Variants in MTHFD2 observed in about 807,000 individuals in gnomAD.
MTHFD2 encodes methylenetetrahydrofolate dehydrogenase (NADP+ dependent) 2, methenyltetrahydrofolate cyclohydrolase.
A neutral mutation model predicts 36.8 loss-of-function variants in MTHFD2; 26 were observed. The observed-to-expected ratio is 0.71, with a 90% CI of 0.52 to 0.98. The LOEUF (loss-of-function observed/expected upper bound fraction) is 0.98, where lower values mean the gene tolerates loss of function less well. Ranked by LOEUF, MTHFD2 falls within the 50% of genes least tolerant of loss-of-function variation. MTHFD2 has a pLI of 0.00. For missense variants in MTHFD2, 373 were observed against 434.0 expected (o/e 0.86, Z 1.25); for synonymous variants, 164 against 155.2 (o/e 1.06, Z -0.42).
Position 74,208,601 on chromosome 2 carries a change from G to C in MTHFD2, c.442G>C (p.Val148Leu). The change falls in exon 4 of 8, where the codon GTT becomes CTT. Residue 148 changes from valine to leucine, a missense_variant. Around this residue, in one of 2 missense-constraint regions of MTHFD2, gnomAD observed 308 missense variants for 397.8 expected, o/e 0.77. Transcript: ENST00000394053. ...HIDERRICNA[V>L]SPDKDVDGFH... is the part of the protein sequence containing the mutation. ...TGATGAGAGAAGGATCTGCAATGCTGTTTCTCCAGACAAGGATGTTGATGG... is the reference window on the plus strand; with the variant it reads ...TGATGAGAGAAGGATCTGCAATGCTCTTTCTCCAGACAAGGATGTTGATGG... 3 of 1,614,194 alleles carry C rather than the reference G, an allele frequency of 1.9e-6. No individual in the cohort carries two copies. The highest frequency in any genetic ancestry group is 8.5e-7 in the Non-Finnish European group (1 of 1,180,030).
At position 74,208,694 on chromosome 2, in the gene MTHFD2, G is replaced by C; in HGVS notation, c.535G>C (p.Gly179Arg). The change falls in exon 4 of 8, where the codon GGT becomes CGT. Residue 179 changes from glycine to arginine, a missense_variant. Transcript: ENST00000394053. ...TTCCATGTTACCGGCTACTCCATGG[G>C]GTGTGTGGGAAATAATCAAGCGAAC... The part of the protein sequence containing the change: ...QYSMLPATPW[G>R]VWEIIKRTGI... 1 of 1,614,024 alleles carries C rather than the reference G, an allele frequency of 6.2e-7. No homozygotes were observed. The highest frequency in any genetic ancestry group is 1.7e-5 in the Admixed American group (1 of 59,994).
chr2:74,203,882 TTTAGTTTAGTTTAGTTTAGTTTAG>T (rs143327603), intron 1 of MTHFD2, among the ~76,000 whole-genome samples: 34,129 of 90,764 alleles, frequency 0.38, 4,803 homozygotes, highest in Middle Eastern at 0.44. Flanking sequence ...TTTAGTTTAG[TTTAGTTTAGTTTAGTTTAGTTTAG>T]TTAGTTTAGT....
chr2:74,211,113 A>G, intron 5 of MTHFD2, 86 bp from the exon 6 acceptor site: 1 of 851,774 alleles, frequency 1.2e-6, no homozygotes. Flanking sequence ...AGAGATGTTG[A>G]GTTTCTACAA....
chr2:74,215,945 G>C lies in MTHFD2; in HGVS notation c.*1703G>C, dbSNP rs1694433369. 1 of 152,258 alleles carries C rather than the reference G, an allele frequency of 6.6e-6. No homozygotes were observed. The highest frequency in any genetic ancestry group is 1.5e-5 in the Non-Finnish European group (1 of 68,084). The allele number at this position is 152,258 out of a possible 1,614,324, so 9.4% of individuals were successfully genotyped here. A position where few individuals can be genotyped will look rare whatever the true frequency, so the allele number is the denominator to read the frequency against. On this transcript the variant is annotated 3_prime_UTR_variant, in exon 8 of 8. Coordinates refer to ENST00000394053, the MANE Select transcript of MTHFD2 (RefSeq NM_006636.4). Reference sequence around the variant, plus strand: ...CTTATATCACAACAGGTTGTGCCAAGCTAGGAGCTTAATCTGTAAAATACT... The same window carrying C: ...CTTATATCACAACAGGTTGTGCCAACCTAGGAGCTTAATCTGTAAAATACT...
chr2:74,210,785 G>GGTT lies in MTHFD2; in HGVS notation c.671-414_671-413insGTT, dbSNP rs1553449045. On this transcript the variant is annotated intron_variant, in intron 5 of 7. Coordinates refer to ENST00000394053, the MANE Select transcript of MTHFD2 (RefSeq NM_006636.4). ...AAACATGGCACAAGCCATTAAGTCA[G>GGTT]TTTTTTTTTTTTTTTTTCCTGGAGA... Among the ~76,000 whole-genome samples the GGTT allele has an allele frequency of 6.8e-4, 90 of 132,052 alleles. 1 individual carries two copies. The highest frequency in any genetic ancestry group is 2.5e-3 in the African/African-American group (86 of 34,296). 86.6% of individuals were successfully genotyped at this position (132,052 alleles called of 152,430 possible). A position where few individuals can be genotyped will look rare whatever the true frequency, so the allele number is the denominator to read the frequency against.
At chr2:74,205,621 G>C in intron 1 of MTHFD2, 84 bp from the exon 2 acceptor site, 1 of 1,463,892 alleles carries the variant, frequency 6.8e-7, no homozygotes, top group South Asian at 1.3e-5. Flanking sequence ...TGGGATTACA[G>C]GCATAAGCCA....
chr2:74,208,714 G>A lies in MTHFD2; in HGVS notation c.555G>A (p.Lys185=). ...ATPWGVWEII[K]RTGIPTLGKN... Reference sequence around the variant, plus strand: ...CATGGGGTGTGTGGGAAATAATCAAGCGAACTGGTAGGTATATCCCAGAAT... The same window carrying A: ...CATGGGGTGTGTGGGAAATAATCAAACGAACTGGTAGGTATATCCCAGAAT... Residue 185 remains lysine, a synonymous_variant, in exon 4 of 8, where the codon AAG becomes AAA. Transcript: ENST00000394053. The A allele has an allele frequency of 6.2e-7, 1 of 1,613,926 alleles. No homozygotes were observed. Among genetic ancestry groups the A allele is most frequent in the Non-Finnish European group, 8.5e-7 (1 of 1,179,938 alleles).
chr2:74,214,322 T>A lies in MTHFD2; in HGVS notation c.*80T>A, dbSNP rs1240999681. On this transcript the variant is annotated 3_prime_UTR_variant, in exon 8 of 8. Coordinates refer to ENST00000394053, the MANE Select transcript of MTHFD2 (RefSeq NM_006636.4). ...CAGGCCAATAGAAATGCAATATTTT[T>A]AATTTATTCTACTGAAATGGTTTAA... 4 of 1,459,188 alleles carry A rather than the reference T, an allele frequency of 2.7e-6. No individual in the cohort carries two copies. Among genetic ancestry groups the A allele is most frequent in the South Asian group, 2.6e-5 (2 of 76,334 alleles). The allele number at this position is 1,459,188 out of a possible 1,614,324, so 90.4% of individuals were successfully genotyped here. A position where few individuals can be genotyped will look rare whatever the true frequency, so the allele number is the denominator to read the frequency against.
Position 74,211,272 on chromosome 2 carries a change from T to C in MTHFD2, c.744T>C (p.Asp248=). 2 of 1,603,502 alleles carry C rather than the reference T, an allele frequency of 1.2e-6. No homozygotes were observed. Among genetic ancestry groups the C allele is most frequent in the Non-Finnish European group, 1.7e-6 (2 of 1,171,446 alleles). The part of the protein sequence containing the change: ...EQLKKHTILA[D]IVISAAGIPN... ...TGAAGAAACATACAATTCTTGCAGA[T>C]ATTGTAATATCTGCTGCAGGTAAGA... The change falls in exon 6 of 8, where the codon GAT becomes GAC. Residue 248 remains aspartate, a synonymous_variant. Coordinates refer to ENST00000394053, the MANE Select transcript of MTHFD2 (RefSeq NM_006636.4).
At chr2:74,203,838 C>T (rs1211550144) in intron 1 of MTHFD2, among the ~76,000 whole-genome samples, 2 of 131,646 alleles carry the variant, frequency 1.5e-5, no homozygotes, top group Admixed American at 8.4e-5. Flanking sequence ...GGAAGAGATG[C>T]TCATCTAGTT....
At chr2:74,211,943 A>C (rs879240601) in intron 7 of MTHFD2, 77 bp downstream of exon 7, 5 of 690,862 alleles carry the variant, frequency 7.2e-6, no homozygotes, top group East Asian at 4.7e-5. Context: ...TAGATTATTT[A>C]CTTTTTTTTT....
intron 4 of MTHFD2, 43 bp from the exon 5 acceptor site, chr2:74,209,899 T>C: frequency 6.5e-7 from 1 of 1,545,182 alleles, no homozygotes; most frequent in Non-Finnish European, 8.8e-7. Context: ...TGTTTTCCTT[T>C]GGACTGGCAC....
At chr2:74,203,426 A>G (rs1694086855) in intron 1 of MTHFD2, among the ~76,000 whole-genome samples, 1 of 152,236 alleles carries the variant, frequency 6.6e-6, no homozygotes, top group Non-Finnish European at 1.5e-5. Flanking sequence ...TTTAATCATA[A>G]TGCAATAAAA....
chr2:74,209,080 C>G (rs1299772746), intron 4 of MTHFD2, among the ~76,000 whole-genome samples: 3 of 98,350 alleles, frequency 3.1e-5, no homozygotes, highest in South Asian at 2.6e-4. Flanking sequence ...ACCATATTGA[C>G]CAAGCTGGTC....
At chr2:74,209,886 C>T (rs1239723367) in intron 4 of MTHFD2, 56 bp from the exon 5 acceptor site, 1 of 1,488,880 alleles carries the variant, frequency 6.7e-7, no homozygotes, top group African/African-American at 1.4e-5. Flanking sequence ...GGCCATCTGA[C>T]TTTGTTTTCC....
At chr2:74,199,094 G>T (rs1468364448) in intron 1 of MTHFD2, among the ~76,000 whole-genome samples, 1 of 152,236 alleles carries the variant, frequency 6.6e-6, no homozygotes, top group Admixed American at 6.5e-5. Context: ...GACAGCGCCG[G>T]CCGCCTCTGG....
chr2:74,201,840 C>A (rs886779794), intron 1 of MTHFD2, among the ~76,000 whole-genome samples: 4 of 152,190 alleles, frequency 2.6e-5, no homozygotes, highest in Non-Finnish European at 5.9e-5. Flanking sequence ...GGCTGTATTT[C>A]ACATTTTGCA....
At chr2:74,207,075 A>G (rs1433219171) in intron 2 of MTHFD2, among the ~76,000 whole-genome samples, 1 of 151,544 alleles carries the variant, frequency 6.6e-6, no homozygotes, top group African/African-American at 2.4e-5. Flanking sequence ...TGCAGAAAAA[A>G]AGAACATGGA....
chr2:74,217,314 G>C lies in MTHFD2; in HGVS notation c.*3072G>C, dbSNP rs1694475259. On this transcript the variant is annotated 3_prime_UTR_variant, in exon 8 of 8. Transcript: ENST00000394053. Reference sequence around the variant, plus strand: ...GTCATAGTAGGCATTAAATCAACATGGTTGGTGTTCATTAAATGTGGATTG... The same window carrying C: ...GTCATAGTAGGCATTAAATCAACATCGTTGGTGTTCATTAAATGTGGATTG... 1.3e-5 allele frequency: 2 copies of C among 152,112 alleles called. No homozygotes were observed. Among genetic ancestry groups the C allele is most frequent in the Admixed American group, 1.3e-4 (2 of 15,270 alleles). 9.4% of individuals were successfully genotyped at this position (152,112 alleles called of 1,614,324 possible).
Sources: allele counts gnomAD v4.1 joint callset (sites outside exome capture counted in the v4.1 genomes callset), GRCh38; gene constraint gnomAD v4.1.1; regional missense constraint gnomAD v4.1.1; transcripts MANE v1.5; gene names NCBI Gene and HGNC (gene_info 2026-07-23, HGNC 2026-07-21).